The following ADGRL3 variants were observed in gnomAD, a reference collection of about 807,000 sequenced individuals.
ADGRL3 encodes the protein calcium-independent alpha-latrotoxin receptor 3.
In ADGRL3, 62 loss-of-function variants were observed where a neutral mutation model predicts 153.5. The ratio of observed to expected loss-of-function variants is 0.40; its 90% CI spans 0.33 to 0.50. The LOEUF (loss-of-function observed/expected upper bound fraction) is 0.50. ADGRL3 is among the 20% of genes least tolerant of loss of function. ADGRL3 has a pLI of 0.47. For synonymous variants in ADGRL3, 710 were observed against 672.5 expected, an observed-to-expected ratio of 1.06 and a Z score of -0.86; for missense variants, 1,641 against 1,859.4, an observed-to-expected ratio of 0.88 and a Z score of 2.16.
intron 1 of ADGRL3, among the ~76,000 whole-genome samples, chr4:61,311,152 T>C (rs1187359134): frequency 6.6e-6 from 1 of 152,154 alleles, no homozygotes; most frequent in Non-Finnish European, 1.5e-5. Context: ...TTCAAGATAG[T>C]ATAGACTATG....
intron 1 of ADGRL3, among the ~76,000 whole-genome samples, chr4:61,230,093 C>A (rs1424960045): frequency 6.6e-6 from 1 of 152,040 alleles, no homozygotes; most frequent in African/African-American, 2.4e-5. Flanking sequence ...GTCACCCTAG[C>A]TACAAGGGTG....
chr4:61,876,282 AATTTT>A (rs1561400937), intron 9 of ADGRL3, among the ~76,000 whole-genome samples: 5 of 57,780 alleles, frequency 8.7e-5, no homozygotes, highest in African/African-American at 9.6e-5. Flanking sequence ...TATTTTATCC[AATTTT>A]GTTTTTTTTT....
chr4:61,605,746 T>G (rs1400380759), intron 5 of ADGRL3, among the ~76,000 whole-genome samples: 1 of 152,236 alleles, frequency 6.6e-6, no homozygotes, highest in Non-Finnish European at 1.5e-5. Flanking sequence ...CCATGGTTTC[T>G]GTATTTCTAT....
At chr4:61,444,188 A>G (rs986046180) in intron 2 of ADGRL3, among the ~76,000 whole-genome samples, 2 of 152,112 alleles carry the variant, frequency 1.3e-5, no homozygotes, top group Non-Finnish European at 2.9e-5. Flanking sequence ...TCTTCACTTG[A>G]TGTATTTGTT....
At chr4:61,905,104 C>T (rs1355637410) in intron 11 of ADGRL3, among the ~76,000 whole-genome samples, 1 of 152,112 alleles carries the variant, frequency 6.6e-6, no homozygotes, top group Admixed American at 6.5e-5. Context: ...CTGCAGAATA[C>T]TATGAATGGC....
chr4:61,233,121 A>G (rs1346704658), intron 1 of ADGRL3, among the ~76,000 whole-genome samples: 1 of 152,236 alleles, frequency 6.6e-6, no homozygotes, highest in East Asian at 1.9e-4. Flanking sequence ...TTATTTGATT[A>G]CATTAGTGAA....
intron 9 of ADGRL3, among the ~76,000 whole-genome samples, chr4:61,853,029 G>A (rs2098225446): frequency 1.3e-5 from 2 of 151,414 alleles, no homozygotes; most frequent in African/African-American, 4.9e-5. Context: ...GTTTTGTTTT[G>A]TTTTTTGAGA....
At chr4:61,984,534 T>C (rs1178201473) in intron 19 of ADGRL3, among the ~76,000 whole-genome samples, 6 of 152,100 alleles carry the variant, frequency 3.9e-5, no homozygotes, top group African/African-American at 9.7e-5. Flanking sequence ...GCCACCTTAC[T>C]CCAGCCTGGA....
Position 61,456,661 on chromosome 4 carries a change from A to G in ADGRL3, c.-173-40460A>G, listed in dbSNP as rs536886512. 4.4e-4 allele frequency among the ~76,000 whole-genome samples: 67 copies of G among 151,684 alleles called. 1 individual carries two copies. Among genetic ancestry groups the G allele is most frequent in the African/African-American group, 1.5e-3 (63 of 41,418 alleles). ...GTACAAAATGATATGTGGCTCGGAT[A>G]AAACCATGGGCGACCATTTTTTATT... On this transcript the variant is annotated intron_variant, in intron 2 of 26. Coordinates refer to ENST00000683033, the MANE Select transcript of ADGRL3 (RefSeq NM_001387552.1).
At chr4:61,264,336 T>A (rs1314244700) in intron 1 of ADGRL3, among the ~76,000 whole-genome samples, 1 of 151,996 alleles carries the variant, frequency 6.6e-6, no homozygotes, top group Non-Finnish European at 1.5e-5. Flanking sequence ...AACCTTTTCC[T>A]TAAACTACCC....
intron 2 of ADGRL3, among the ~76,000 whole-genome samples, chr4:61,413,047 C>T (rs1042071371): frequency 2.6e-5 from 4 of 152,042 alleles, no homozygotes; most frequent in African/African-American, 7.2e-5. Context: ...TTAAATCTTC[C>T]GTTTGAGCTG....
intron 5 of ADGRL3, among the ~76,000 whole-genome samples, chr4:61,654,236 A>G (rs1179118268): frequency 1.3e-5 from 2 of 152,168 alleles, no homozygotes; most frequent in Admixed American, 1.3e-4. Context: ...TATCTCTGAT[A>G]GTGGAAATGT....
chr4:61,449,236 A>G (rs1053768177), intron 2 of ADGRL3, among the ~76,000 whole-genome samples: 2 of 152,054 alleles, frequency 1.3e-5, no homozygotes, highest in South Asian at 4.2e-4. Flanking sequence ...CCCTGGTTCA[A>G]GCAATTCTTC....
intron 8 of ADGRL3, among the ~76,000 whole-genome samples, chr4:61,734,577 C>T (rs190219344): frequency 3.3e-4 from 50 of 152,268 alleles, no homozygotes; most frequent in Non-Finnish European, 6.8e-4. Flanking sequence ...AAGAACAGCA[C>T]AGGGGAGACT....
At chr4:61,850,968 AT>A in intron 9 of ADGRL3, among the ~76,000 whole-genome samples, 1 of 152,292 alleles carries the variant, frequency 6.6e-6, no homozygotes, top group East Asian at 1.9e-4. Flanking sequence ...CCTTATTGAA[AT>A]TTTAAAAAGC....
In ADGRL3 at chr4:62,069,192, C is replaced by T. The variant is rs147326283; in HGVS notation, c.3833-917C>T. On this transcript the variant is annotated intron_variant, in intron 26 of 26. Coordinates refer to ENST00000683033, the MANE Select transcript of ADGRL3 (RefSeq NM_001387552.1). ...TTATTTCACTGCAGCTGTTTCTTAC[C>T]AGAATAAAATGTTTATCCTTTTGAA... Among the ~76,000 whole-genome samples, 47 of 152,106 alleles carry T rather than the reference C, an allele frequency of 3.1e-4. No homozygotes were observed. The East Asian group carries it at 8.9e-3, about 29-fold the overall frequency.
intron 8 of ADGRL3, among the ~76,000 whole-genome samples, chr4:61,774,308 G>T (rs1412706035): frequency 6.9e-6 from 1 of 145,752 alleles, no homozygotes; most frequent in Non-Finnish European, 1.5e-5. Flanking sequence ...AGTGAGCCAA[G>T]ATCGCGCCAT....
At chr4:61,849,606 G>A (rs2098177787) in intron 9 of ADGRL3, among the ~76,000 whole-genome samples, 1 of 151,940 alleles carries the variant, frequency 6.6e-6, no homozygotes, top group Non-Finnish European at 1.5e-5. Context: ...GCATTTTTGG[G>A]ACTGTAATCC....
At chr4:61,963,249 AT>A (rs892337448) in intron 17 of ADGRL3, among the ~76,000 whole-genome samples, 12 of 145,778 alleles carry the variant, frequency 8.2e-5, no homozygotes, top group South Asian at 2.2e-4. Flanking sequence ...TACTATGACT[AT>A]TTTTTTTTTC....
Sources: gnomAD v4.1 joint callset for allele counts (sites outside exome capture counted in the v4.1 genomes callset) on GRCh38, gnomAD v4.1.1 for gene constraint, MANE v1.5 for transcripts, NCBI Gene and HGNC (gene_info 2026-07-23, HGNC 2026-07-21) for gene names.